TENM4: variants seen among roughly 807,000 people sequenced by gnomAD.
TENM4 encodes teneurin transmembrane protein 4.
In TENM4, 82 loss-of-function variants were observed where a neutral mutation model predicts 243.3. That is an observed-to-expected ratio of 0.34 (90% CI 0.28 to 0.40). TENM4 has a LOEUF of 0.40. Among genes scored for constraint, TENM4 ranks in the 10% least tolerant of loss-of-function variants. TENM4 has a pLI of 1.00. For missense variants in TENM4, 3,138 were observed against 3,673.3 expected (o/e 0.85, Z 3.77); for synonymous variants, 1,412 against 1,456.3 (o/e 0.97, Z 0.69).
At chr11:78,829,323 C>T (rs1488105670) in intron 12 of TENM4, among the ~76,000 whole-genome samples, 4 of 152,278 alleles carry the variant, frequency 2.6e-5, no homozygotes, top group East Asian at 3.9e-4. Flanking sequence ...ATCAGACAGA[C>T]GTGGGTATGA....
At chr11:79,125,263 T>C (rs1467571616) in intron 4 of TENM4, among the ~76,000 whole-genome samples, 2 of 152,184 alleles carry the variant, frequency 1.3e-5, no homozygotes, top group Admixed American at 6.5e-5. Flanking sequence ...AGGAACATAA[T>C]GAAGCTGGTT....
chr11:79,359,060 G>A (rs958890964), intron 1 of TENM4, among the ~76,000 whole-genome samples: 2 of 151,558 alleles, frequency 1.3e-5, no homozygotes, highest in African/African-American at 4.9e-5. Context: ...GAGGCCAATA[G>A]TTCAAGACCA....
chr11:79,084,901 T>A lies in TENM4; in HGVS notation c.-65-14892A>T, dbSNP rs769321734. Among the ~76,000 whole-genome samples the A allele has an allele frequency of 2.0e-5, 3 of 152,316 alleles. No individual in the cohort carries two copies. The South Asian group carries it at 6.2e-4, about 32-fold the overall frequency. On this transcript the variant is annotated intron_variant, in intron 4 of 33. Coordinates refer to ENST00000278550, the MANE Select transcript of TENM4 (RefSeq NM_001098816.3). The stretch of plus-strand genomic sequence containing the variant: ...ATGCAAGTAAAATGGGGAATCTGAA[T>A]AAGATGAGTGGATTGTATCAACGTC...
intron 6 of TENM4, among the ~76,000 whole-genome samples, chr11:79,007,180 T>C (rs1469882834): frequency 3.3e-5 from 5 of 152,236 alleles, no homozygotes; most frequent in African/African-American, 1.2e-4. Flanking sequence ...ATCCTGTTGG[T>C]AGTATTTCTC....
intron 1 of TENM4, among the ~76,000 whole-genome samples, chr11:79,437,435 T>C (rs1859296098): frequency 6.6e-6 from 1 of 151,868 alleles, no homozygotes; most frequent in Non-Finnish European, 1.5e-5. Flanking sequence ...GCCGGGACCC[T>C]GCACTGTGCC....
chr11:78,997,984 C>T (rs1459737285), intron 6 of TENM4, among the ~76,000 whole-genome samples: 1 of 152,306 alleles, frequency 6.6e-6, no homozygotes, highest in Non-Finnish European at 1.5e-5. Context: ...TGTGAACACA[C>T]AGTGAAAAGG....
Position 78,756,887 on chromosome 11 carries a change from G to A in TENM4, c.2674C>T (p.His892Tyr). 6.2e-7 allele frequency: 1 copy of A among 1,613,994 alleles called. No individual in the cohort carries two copies. The highest frequency in any genetic ancestry group is 1.3e-5 in the African/African-American group (1 of 75,054). Residue 892 changes from histidine (H) to tyrosine (Y), a missense_variant, in exon 19 of 34, where the codon CAC becomes TAC. Around this residue, in one of 2 missense-constraint regions of TENM4, gnomAD observed 2,467 missense variants for 3,059.1 expected, o/e 0.81. Coordinates refer to ENST00000278550, the MANE Select transcript of TENM4 (RefSeq NM_001098816.3). ...AACTTGATGCGGTCATAGAAGGAGT[G>A]TAGGTTCTGCTGTGACACAGGGACC... is the stretch of plus-strand genomic sequence containing the variant. ...TQVPVSQQNL[H>Y]SFYDRIKFLV...
intron 2 of TENM4, among the ~76,000 whole-genome samples, chr11:79,290,337 A>G (rs1182637800): frequency 6.6e-6 from 1 of 152,254 alleles, no homozygotes; most frequent in Non-Finnish European, 1.5e-5. Flanking sequence ...TTTTATAAAC[A>G]TAGCAACTCT....
chr11:78,773,183 G>A (rs1408816233), intron 17 of TENM4, among the ~76,000 whole-genome samples: 2 of 152,182 alleles, frequency 1.3e-5, no homozygotes, highest in East Asian at 1.9e-4. Flanking sequence ...CTTTAACAAC[G>A]GTAGCTGACT....
intron 4 of TENM4, among the ~76,000 whole-genome samples, chr11:79,077,498 A>G (rs942561535): frequency 1.3e-5 from 2 of 152,246 alleles, no homozygotes; most frequent in Non-Finnish European, 2.9e-5. Context: ...GGATACACAC[A>G]TCTACAATTT....
rs143730515 is a variant in TENM4 at position 78,892,434 on chromosome 11, C to T, written c.750-1098G>A. Among the ~76,000 whole-genome samples, 407 of 152,296 alleles carry T rather than the reference C, an allele frequency of 2.7e-3. 3 individuals are homozygous for T. Among genetic ancestry groups the T allele is most frequent in the African/African-American group, 9.4e-3 (390 of 41,560 alleles). On this transcript the variant is annotated intron_variant, in intron 7 of 33. Transcript: ENST00000278550. ...ACCTTCTTTCTGACTTCGACCAGGTCTTAGAGCCAGCATTCCCAAATTCAA... is the reference window on the plus strand; with the variant it reads ...ACCTTCTTTCTGACTTCGACCAGGTTTTAGAGCCAGCATTCCCAAATTCAA...
intron 1 of TENM4, among the ~76,000 whole-genome samples, chr11:79,379,903 C>A (rs1372222508): frequency 6.6e-6 from 1 of 152,120 alleles, no homozygotes; most frequent in African/African-American, 2.4e-5. Flanking sequence ...TGGGGATTAG[C>A]TGAGGGAGAG....
intron 3 of TENM4, among the ~76,000 whole-genome samples, chr11:79,199,257 G>T (rs1863694546): frequency 6.6e-6 from 1 of 152,166 alleles, no homozygotes; most frequent in Non-Finnish European, 1.5e-5. Context: ...ACTTCAAAGG[G>T]TTTTTGTGAA....
intron 6 of TENM4, among the ~76,000 whole-genome samples, chr11:78,978,595 T>G (rs1465387577): frequency 6.6e-6 from 1 of 152,070 alleles, no homozygotes; most frequent in Non-Finnish European, 1.5e-5. Context: ...CCAAACGGAC[T>G]AATGGCATTG....
intron 6 of TENM4, among the ~76,000 whole-genome samples, chr11:78,947,727 A>G (rs1052529274): frequency 1.3e-5 from 2 of 152,064 alleles, no homozygotes; most frequent in African/African-American, 2.4e-5. Context: ...TGCATAATTC[A>G]TTCCAGTTGT....
rs550503049 is a variant in TENM4, at chr11:78,910,178, T to G, written c.494-6655A>C. Among the ~76,000 whole-genome samples the G allele has an allele frequency of 6.6e-5, 10 of 152,318 alleles. No homozygotes were observed. In the South Asian group the frequency reaches 2.1e-3, roughly 32 times the overall value. ...CTCCAAGAAAGGGTGCCAGGCTGAG[T>G]GCCCACATCCAGCCCTGCAAATGGC... On this transcript the variant is annotated intron_variant, in intron 6 of 33. Transcript: ENST00000278550.
chr11:79,064,963 G>C lies in TENM4; in HGVS notation c.268C>G (p.Pro90Ala). Residue 90 changes from proline (P) to alanine (A), a missense_variant, in exon 6 of 34, where the codon CCC becomes GCC. Transcript: ENST00000278550. ...GTCCGGTACAGGGTCCCGTGAGGGG[G>C]CGTTACTTCTTCCAGCCCCAGCTCC... ...LRELGLEEVT[P>A]PHGTLYRTDI... is the part of the protein sequence containing the mutation. The C allele has an allele frequency of 6.8e-7, 1 of 1,474,452 alleles. No individual in the cohort carries two copies. Among genetic ancestry groups the C allele is most frequent in the Non-Finnish European group, 9.0e-7 (1 of 1,108,186 alleles). The allele number at this position is 1,474,452 out of a possible 1,614,324, so 91.3% of individuals were successfully genotyped here.
chr11:79,163,543 T>C (rs1402885642), intron 3 of TENM4, among the ~76,000 whole-genome samples: 7 of 151,812 alleles, frequency 4.6e-5, no homozygotes, highest in Admixed American at 4.6e-4. Context: ...CTCACACCCC[T>C]CCTACCCTTT....
intron 12 of TENM4, among the ~76,000 whole-genome samples, chr11:78,829,095 A>C (rs1243073981): frequency 6.6e-6 from 1 of 152,208 alleles, no homozygotes; most frequent in Non-Finnish European, 1.5e-5. Context: ...ACTAGACTGC[A>C]GCCCCTCTGT....
Sources: allele counts gnomAD v4.1 joint callset (sites outside exome capture counted in the v4.1 genomes callset), GRCh38; gene constraint gnomAD v4.1.1; regional missense constraint gnomAD v4.1.1; transcripts MANE v1.5; gene names NCBI Gene and HGNC (gene_info 2026-07-23, HGNC 2026-07-21).